Variants in DMWD observed in about 807,000 individuals in gnomAD.
DMWD encodes the protein dystrophia myotonica WD repeat-containing protein.
Under a neutral mutation model 45.8 loss-of-function variants are expected in DMWD, and 19 were observed. The observed-to-expected ratio is 0.41, with a 90% CI of 0.29 to 0.61. The LOEUF (loss-of-function observed/expected upper bound fraction) is 0.61. DMWD is among the 20% of genes least tolerant of loss of function. DMWD has a pLI of 0.25. For synonymous variants in DMWD, 515 were observed against 440.5 expected, an observed-to-expected ratio of 1.17 and a Z score of -2.12; for missense variants, 802 against 965.2, an observed-to-expected ratio of 0.83 and a Z score of 2.24.
chr19:45,791,512 C>G (rs1184806311), intron 1 of DMWD, among the ~76,000 whole-genome samples: 1 of 152,158 alleles, frequency 6.6e-6, no homozygotes, highest in East Asian at 1.9e-4. Flanking sequence ...TTCCAGGACT[C>G]TAAAGCCTAA....
intron 2 of DMWD, among the ~76,000 whole-genome samples, chr19:45,788,902 A>C (rs1970318789): frequency 1.3e-5 from 2 of 151,112 alleles, no homozygotes; most frequent in South Asian, 4.2e-4. Flanking sequence ...GCACTCCAGC[A>C]TGGACGACAG....
intron 3 of DMWD, 178 bp downstream of exon 3, chr19:45,785,416 C>A (rs1395403429): frequency 1.5e-6 from 2 of 1,313,598 alleles, no homozygotes; most frequent in Non-Finnish European, 1.9e-6. Context: ...TAGGGCTAGA[C>A]CCCCTCACTC....
At chr19:45,787,901 G>A (rs1389149595) in intron 2 of DMWD, among the ~76,000 whole-genome samples, 2 of 152,134 alleles carry the variant, frequency 1.3e-5, no homozygotes, top group Non-Finnish European at 2.9e-5. Flanking sequence ...TACAAGTAGA[G>A]ATACAAAATC....
At chr19:45,785,414 G>T in intron 3 of DMWD, 180 bp downstream of exon 3, 1 of 1,309,512 alleles carries the variant, frequency 7.6e-7, no homozygotes, top group Non-Finnish European at 9.7e-7. Flanking sequence ...CCTAGGGCTA[G>T]ACCCCCTCAC....
chr19:45,785,795 A>C lies in DMWD; in HGVS notation c.1701T>G (p.Pro567=), dbSNP rs754953416. The stretch of plus-strand genomic sequence containing the variant: ...CGGGGTCCAGGCGGCTGCGGGGAAC[A>C]GGGCCGCTGGGCTTCTCCCCACCAC... ...SGSGGEKPSG[P]VPRSRLDPAK... Residue 567 remains proline, a synonymous_variant, in exon 3 of 5, where the codon CCT becomes CCG. Coordinates refer to ENST00000270223, the MANE Select transcript of DMWD (RefSeq NM_004943.2). 15 of 1,611,922 alleles carry C rather than the reference A, an allele frequency of 9.3e-6. No homozygotes were observed. In the South Asian group the frequency reaches 1.5e-4, roughly 17 times the overall value.
Position 45,785,642 on chromosome 19 carries a change from A to G in DMWD, c.1854T>C (p.Thr618=), listed in dbSNP as rs768542645. Residue 618 remains threonine, a synonymous_variant, in exon 3 of 5, where the codon ACT becomes ACC. Coordinates refer to ENST00000270223, the MANE Select transcript of DMWD (RefSeq NM_004943.2). ...VLLFLEDCII[T]ACQEGLICTW... is the part of the protein sequence containing the mutation. ...TGCAGATGAGGCCCTCCTGGCAGGC[A>G]GTGATGATGCAGTCCTCCAGGAACA... 1.9e-6 allele frequency: 3 copies of G among 1,545,018 alleles called. No homozygotes were observed. Among genetic ancestry groups the G allele is most frequent in the South Asian group, 1.2e-5 (1 of 81,836 alleles).
chr19:45,792,182 G>A (rs1228886940), intron 1 of DMWD, 134 bp downstream of exon 1: 1 of 1,378,742 alleles, frequency 7.3e-7, no homozygotes, highest in Non-Finnish European at 9.5e-7. Flanking sequence ...TCCCTCCAAT[G>A]CTGTCGCCCT....
Position 45,792,436 on chromosome 19 carries a change from G to T in DMWD, c.321C>A (p.Ala107=). ...SLVRLGEPDS[A]GAGEPPATPA... is the part of the protein sequence containing the mutation. ...GCGTGGCGGGCGGCTCCCCGGCCCC[G>T]GCGCTGTCCGGCTCCCCGAGGCGCA... Residue 107 remains alanine (A), a synonymous_variant, in exon 1 of 5, where the codon GCC becomes GCA. Transcript: ENST00000270223. 1 of 1,525,302 alleles carries T rather than the reference G, an allele frequency of 6.6e-7. No individual in the cohort carries two copies. Among genetic ancestry groups the T allele is most frequent in the Admixed American group, 2.1e-5 (1 of 48,238 alleles). 94.5% of individuals were successfully genotyped at this position (1,525,302 alleles called of 1,614,324 possible).
chr19:45,792,403 C>T lies in DMWD; in HGVS notation c.354G>A (p.Gly118=), dbSNP rs777889046. ...GAGEPPATPA[G]LGSGGDRVCF... is the part of the protein sequence containing the mutation. ...AGACGCGGTCTCCCCCCGAGCCCAG[C>T]CCCGCGGGCGTGGCGGGCGGCTCCC... The change falls in exon 1 of 5, where the codon GGG becomes GGA. Residue 118 remains glycine (G), a synonymous_variant. Transcript: ENST00000270223. 1.3e-6 allele frequency: 2 copies of T among 1,593,276 alleles called. No homozygotes were observed. Among genetic ancestry groups the T allele is most frequent in the African/African-American group, 1.4e-5 (1 of 73,330 alleles).
chr19:45,790,817 C>T (rs1197239005), intron 2 of DMWD, 88 bp downstream of exon 2: 14 of 1,476,160 alleles, frequency 9.5e-6, no homozygotes, highest in Admixed American at 2.1e-5. Flanking sequence ...CTCAGGCCTA[C>T]ACTGTTCCGC....
At position 45,785,977 on chromosome 19, in the gene DMWD, C is replaced by G. The variant is rs766592397; in HGVS notation, c.1519G>C (p.Gly507Arg). The change falls in exon 3 of 5, where the codon GGC becomes CGC. Residue 507 changes from glycine to arginine, a missense_variant. By Grantham distance (125) the Gly-to-Arg change is moderately radical. Coordinates refer to ENST00000270223, the MANE Select transcript of DMWD (RefSeq NM_004943.2). ...CCAGGCTCTGCCGCCACACCCGGGC[C>G]GCCCGCCTTGCCCCCGCCAGCTGGG... ...PHPAGGGKAG[G>R]PGVAAEPGTP... is the part of the protein sequence containing the mutation. 1.9e-5 allele frequency: 30 copies of G among 1,572,470 alleles called. No individual in the cohort carries two copies. The Admixed American group carries it at 5.0e-4, about 26-fold the overall frequency.
chr19:45,787,017 G>T, intron 2 of DMWD, 146 bp from the exon 3 acceptor site: 1 of 1,383,978 alleles, frequency 7.2e-7, no homozygotes, highest in African/African-American at 1.5e-5. Flanking sequence ...TCCTCGGAGA[G>T]AAGCTCCCAA....
rs1287329757 is a variant in DMWD at position 45,786,114 on chromosome 19, G to A, written c.1382C>T (p.Thr461Ile). The change falls in exon 3 of 5, where the codon ACC (threonine) becomes ATC (isoleucine). Residue 461 changes from threonine to isoleucine, a missense_variant. Physicochemically the swap from Thr to Ile is moderately conservative, Grantham distance 89. Around this residue, in one of 9 missense-constraint regions of DMWD, gnomAD observed 303 missense variants for 332.9 expected, o/e 0.91. Coordinates refer to ENST00000270223, the MANE Select transcript of DMWD (RefSeq NM_004943.2). ...CGTGGTGCCAGGTGTGCCAGGGAGG[G>A]TGCGGGTGCGGGCCAGGGGGGGGTG... is the stretch of plus-strand genomic sequence containing the variant. ...YPHPPLARTR[T>I]LPGTPGTTPP... is the part of the protein sequence containing the mutation. The A allele has an allele frequency of 1.3e-6, 2 of 1,534,320 alleles. No homozygotes were observed. Among genetic ancestry groups the A allele is most frequent in the Non-Finnish European group, 1.8e-6 (2 of 1,138,146 alleles).
At chr19:45,792,211 A>G (rs1359385357) in intron 1 of DMWD, 105 bp downstream of exon 1, 23 of 1,429,166 alleles carry the variant, frequency 1.6e-5, no homozygotes, top group Non-Finnish European at 1.9e-5. Context: ...CATCACATTT[A>G]GAATGCCTAT....
In DMWD at chr19:45,786,737, C is replaced by T. The variant is rs1196542282; in HGVS notation, c.759G>A (p.Gln253=). ...CCTCGCCCTGCTTCAGCAGGCTGTA[C>T]TGGGGCGGGGCCGAGGCGCAGGGGT... ...VSHPCASAPP[Q]YSLLKQGEGF... Residue 253 remains glutamine, a synonymous_variant, in exon 3 of 5, where the codon CAG becomes CAA. Transcript: ENST00000270223. The T allele has an allele frequency of 1.2e-6, 2 of 1,613,878 alleles. No homozygotes were observed. Among genetic ancestry groups the T allele is most frequent in the Non-Finnish European group, 1.7e-6 (2 of 1,179,936 alleles).
intron 2 of DMWD, 97 bp from the exon 3 acceptor site, chr19:45,786,968 C>A: frequency 1.3e-6 from 2 of 1,510,136 alleles, no homozygotes; most frequent in Non-Finnish European, 1.8e-6. Flanking sequence ...TTGGACATGG[C>A]CCCGCTCACA....
chr19:45,784,684 CCT>C lies in DMWD; in HGVS notation c.1932_1933del (p.Glu646ArgfsTer45), dbSNP rs781764249. On this transcript the variant is annotated frameshift_variant, in exon 4 of 5. Transcript: ENST00000270223. LOFTEE classifies it high-confidence loss of function. ...GGGTGACCTGGGCCAACTTCCTTCCCCTGTCTGGGCCTCGGTCTCCTCGTCTG... is the reference window on the plus strand; with the variant it reads ...GGGTGACCTGGGCCAACTTCCTTCCCGTCTGGGCCTCGGTCTCCTCGTCTG... 64 of 1,613,606 alleles carry C rather than the reference CCT, an allele frequency of 4.0e-5. No individual in the cohort carries two copies. Among genetic ancestry groups the C allele is most frequent in the Non-Finnish European group, 5.1e-5 (60 of 1,179,706 alleles).
At chr19:45,791,533 T>A (rs1416087251) in intron 1 of DMWD, among the ~76,000 whole-genome samples, 1 of 152,070 alleles carries the variant, frequency 6.6e-6, no homozygotes, top group Non-Finnish European at 1.5e-5. Flanking sequence ...CATCCTAGCA[T>A]TCTCTTCACT....
At position 45,792,530 on chromosome 19, in the gene DMWD, G is replaced by A; in HGVS notation, c.227C>T (p.Pro76Leu). Residue 76 changes from proline to leucine, a missense_variant, in exon 1 of 5, where the codon CCC becomes CTC. Physicochemically the swap from Pro to Leu is moderately conservative, Grantham distance 98. This residue lies in a region of DMWD where 151 missense variants were observed against 128.1 expected (regional missense o/e 1.18). Transcript: ENST00000270223. ...GCCTGCGGGCGGCGGGGACGACGCG[G>A]GGCCTGCAGCGCCGGGACCGGAGGC... ...ASASGPGAAGPASSPPPAGPG... is the reference protein window; with the variant it reads ...ASASGPGAAGLASSPPPAGPG... 8.8e-7 allele frequency: 1 copy of A among 1,141,738 alleles called. No individual in the cohort carries two copies. Among genetic ancestry groups the A allele is most frequent in the Non-Finnish European group, 1.1e-6 (1 of 930,898 alleles). The allele number at this position is 1,141,738 out of a possible 1,614,324, so 70.7% of individuals were successfully genotyped here.
Sources: gnomAD v4.1 joint callset for allele counts (sites outside exome capture counted in the v4.1 genomes callset) on GRCh38, gnomAD v4.1.1 for gene constraint, gnomAD v4.1.1 regional missense constraint, MANE v1.5 for transcripts, NCBI Gene and HGNC (gene_info 2026-07-23, HGNC 2026-07-21) for gene names.